The following SPINK5 variants were observed in gnomAD, a reference collection of about 807,000 sequenced individuals.
SPINK5 encodes the protein serine protease inhibitor Kazal-type 5.
A neutral mutation model predicts 151.8 loss-of-function variants in SPINK5; 125 were observed. The observed-to-expected ratio is 0.82, with a 90% CI of 0.71 to 0.96. The LOEUF (loss-of-function observed/expected upper bound fraction) is 0.96, where lower values mean the gene tolerates loss of function less well. SPINK5 is among the 40% of genes least tolerant of loss of function. The pLI is 0.00. For missense variants in SPINK5, 1,194 were observed against 1,291.9 expected, an observed-to-expected ratio of 0.92 and a Z score of 1.16; for synonymous variants, 374 against 395.3, an observed-to-expected ratio of 0.95 and a Z score of 0.64.
chr5:148,071,115 G>A (rs1397943946), intron 3 of SPINK5, among the ~76,000 whole-genome samples: 1 of 152,084 alleles, frequency 6.6e-6, no homozygotes, highest in Non-Finnish European at 1.5e-5. Context: ...GTTATCAATT[G>A]CAAATCCTCA....
intron 23 of SPINK5, 107 bp from the exon 24 acceptor site, chr5:148,118,879 A>G (rs1754173463): frequency 3.5e-6 from 4 of 1,150,880 alleles, no homozygotes; most frequent in Non-Finnish European, 5.2e-6. Flanking sequence ...ATTGACCAGC[A>G]CAGTTGAAGA....
At chr5:148,074,503 T>C (rs545990880) in intron 4 of SPINK5, among the ~76,000 whole-genome samples, 3 of 141,966 alleles carry the variant, frequency 2.1e-5, no homozygotes, top group African/African-American at 7.3e-5. Flanking sequence ...CACACGAGTC[T>C]GTGTGTTTCT....
intron 11 of SPINK5, among the ~76,000 whole-genome samples, chr5:148,098,298 T>C (rs1753527511): frequency 6.6e-6 from 1 of 152,036 alleles, no homozygotes; most frequent in African/African-American, 2.4e-5. Context: ...TAGCAATTTA[T>C]AGGTATCTCA....
chr5:148,065,928 CAAATT>C (rs1162650626), intron 2 of SPINK5, among the ~76,000 whole-genome samples: 2 of 151,980 alleles, frequency 1.3e-5, no homozygotes, highest in African/African-American at 4.8e-5. Flanking sequence ...GGAAAACAGA[CAAATT>C]AATAAGTAGC....
chr5:148,119,266 C>T (rs919698250), intron 24 of SPINK5, among the ~76,000 whole-genome samples: 1 of 152,146 alleles, frequency 6.6e-6, no homozygotes, highest in Non-Finnish European at 1.5e-5. Flanking sequence ...TGACACTTTA[C>T]AAGGCATTTT....
At chr5:148,067,526 CT>C (rs1752617153) in intron 2 of SPINK5, among the ~76,000 whole-genome samples, 1 of 152,166 alleles carries the variant, frequency 6.6e-6, no homozygotes, top group African/African-American at 2.4e-5. Context: ...CAGAGAAAAA[CT>C]CAACTGCTGC....
In SPINK5 at chr5:148,088,537, T is replaced by G; in HGVS notation, c.411-5T>G. 1 of 1,611,486 alleles carries G rather than the reference T, an allele frequency of 6.2e-7. No individual in the cohort carries two copies. Among genetic ancestry groups the G allele is most frequent in the Non-Finnish European group, 8.5e-7 (1 of 1,178,364 alleles). Reference sequence around the variant, plus strand: ...ACTGCTGTGTCTACTAACTTTTGATTCTAGGAAAACCGGGTCCCAAATTGG... The same window carrying G: ...ACTGCTGTGTCTACTAACTTTTGATGCTAGGAAAACCGGGTCCCAAATTGG... On this transcript the variant is annotated splice_polypyrimidine_tract_variant and splice_region_variant and intron_variant, in intron 5 of 32. Coordinates refer to ENST00000256084, the MANE Select transcript of SPINK5 (RefSeq NM_006846.4).
chr5:148,086,580 A>G (rs2113052733), intron 5 of SPINK5, 48 bp downstream of exon 5: 1 of 1,600,132 alleles, frequency 6.2e-7, no homozygotes, highest in Non-Finnish European at 8.5e-7. Context: ...TGTTCTCTCT[A>G]TAATTACATG....
chr5:148,101,998 T>C (rs1207698729), intron 15 of SPINK5, 90 bp downstream of exon 15: 10 of 1,577,664 alleles, frequency 6.3e-6, no homozygotes, highest in Non-Finnish European at 8.7e-6. Flanking sequence ...TAATGCATTT[T>C]CTTCTTCAGT....
At position 148,101,827 on chromosome 5, in the gene SPINK5, T is replaced by C; in HGVS notation, c.1349T>C (p.Phe450Ser). 2 of 1,613,808 alleles carry C rather than the reference T, an allele frequency of 1.2e-6. No individual in the cohort carries two copies. The highest frequency in any genetic ancestry group is 1.7e-6 in the Non-Finnish European group (2 of 1,179,784). The change falls in exon 15 of 33, where the codon TTT (phenylalanine) becomes TCT (serine). Residue 450 changes from phenylalanine to serine, a missense_variant. Physicochemically the swap from Phe to Ser is radical, Grantham distance 155 (BLOSUM62 -2). Coordinates refer to ENST00000256084, the MANE Select transcript of SPINK5 (RefSeq NM_006846.4). ...YRKSRKNGRLFCTRENDPIQG... is the reference protein window; with the variant it reads ...YRKSRKNGRLSCTRENDPIQG... ...AAATCCAGGAAAAACGGACGGCTTTTTTGCACCAGAGAGAATGACCCCATC... is the reference window on the plus strand; with the variant it reads ...AAATCCAGGAAAAACGGACGGCTTTCTTGCACCAGAGAGAATGACCCCATC...
intron 10 of SPINK5, among the ~76,000 whole-genome samples, chr5:148,096,721 TC>T (rs538981563): frequency 3.1e-4 from 39 of 126,100 alleles, no homozygotes; most frequent in Middle Eastern, 4.1e-3. Context: ...TTTCTTTCTT[TC>T]TTTTTTTCTT....
chr5:148,129,740 G>C (rs1405651225), intron 30 of SPINK5, among the ~76,000 whole-genome samples: 1 of 152,096 alleles, frequency 6.6e-6, no homozygotes, highest in African/African-American at 2.4e-5. Context: ...AAAGGAACAA[G>C]TACACAAATA....
chr5:148,099,708 A>G (rs911736588), intron 12 of SPINK5, among the ~76,000 whole-genome samples: 2 of 152,060 alleles, frequency 1.3e-5, no homozygotes, highest in African/African-American at 4.8e-5. Context: ...TTATCCCTGA[A>G]ATATTACAAT....
chr5:148,093,879 TA>T (rs1249432650), intron 8 of SPINK5, among the ~76,000 whole-genome samples: 2 of 151,972 alleles, frequency 1.3e-5, no homozygotes, highest in African/African-American at 4.8e-5. Flanking sequence ...ACAATATAAT[TA>T]CTGTTTCTTA....
rs1753800900 is a variant in SPINK5 at position 148,107,066 on chromosome 5, G to A, written c.1509G>A (p.Val503=). The change falls in exon 17 of 33, where the codon GTG becomes GTA. Residue 503 remains valine (V), a synonymous_variant. Transcript: ENST00000256084. The part of the protein sequence containing the change: ...KEICSEFRDQ[V]RNGTLICTRE... ...TCTGCAGTGAATTTCGGGACCAAGT[G>A]AGGAATGGAACACTTATATGCACCA... is the stretch of plus-strand genomic sequence containing the variant. 4 of 1,612,946 alleles carry A rather than the reference G, an allele frequency of 2.5e-6. No individual in the cohort carries two copies. Among genetic ancestry groups the A allele is most frequent in the Non-Finnish European group, 3.4e-6 (4 of 1,179,358 alleles).
chr5:148,122,131 A>T (rs1444011717), intron 26 of SPINK5, among the ~76,000 whole-genome samples: 1 of 152,004 alleles, frequency 6.6e-6, no homozygotes, highest in African/African-American at 2.4e-5. Context: ...TATTGTTCCA[A>T]TTTTTTAGAA....
Position 148,094,425 on chromosome 5 carries a change from C to G in SPINK5, c.738C>G (p.Val246=). 1 of 1,612,830 alleles carries G rather than the reference C, an allele frequency of 6.2e-7. No homozygotes were observed. The highest frequency in any genetic ancestry group is 8.5e-7 in the Non-Finnish European group (1 of 1,179,172). Residue 246 remains valine, a synonymous_variant, in exon 9 of 33, where the codon GTC becomes GTG. Transcript: ENST00000256084. The part of the protein sequence containing the change: ...RLFCTRESDP[V]RGPDGRMHGN... The stretch of plus-strand genomic sequence containing the variant: ...TTTGTACACGGGAGAGTGATCCAGT[C>G]CGTGGCCCTGACGGCAGGATGCATG...
intron 14 of SPINK5, 151 bp downstream of exon 14, chr5:148,101,587 G>A: frequency 1.0e-6 from 1 of 1,001,824 alleles, no homozygotes; most frequent in Non-Finnish European, 1.6e-6. Context: ...TTATACATGT[G>A]CATATGTGAC....
intron 22 of SPINK5, among the ~76,000 whole-genome samples, chr5:148,117,270 G>A (rs985625803): frequency 2.0e-5 from 3 of 152,126 alleles, no homozygotes; most frequent in Admixed American, 2.0e-4. Flanking sequence ...TTAAGGAATA[G>A]CCCTGTTGAT....
Sources: gnomAD v4.1 joint callset for allele counts (sites outside exome capture counted in the v4.1 genomes callset) on GRCh38, gnomAD v4.1.1 for gene constraint, MANE v1.5 for transcripts, NCBI Gene and HGNC (gene_info 2026-07-23, HGNC 2026-07-21) for gene names.